SLCO1C1: variants seen among roughly 807,000 people sequenced by gnomAD.
The protein encoded by SLCO1C1 is OAT-RP-5.
SLCO1C1 carries 70 observed loss-of-function variants against 76.4 expected under a neutral mutation model. The ratio of observed to expected loss-of-function variants is 0.92; its 90% confidence interval spans 0.76 to 1.12. The LOEUF (loss-of-function observed/expected upper bound fraction) is 1.12, where lower values mean the gene tolerates loss of function less well. Among genes scored for constraint, SLCO1C1 ranks in the 50% most tolerant of loss-of-function variants. The pLI, the probability that SLCO1C1 is intolerant of heterozygous loss-of-function variation, is 0.00. For synonymous variants in SLCO1C1, 306 were observed against 286.1 expected (o/e 1.07, Z -0.70); for missense variants, 912 against 823.8 (o/e 1.11, Z -1.31).
chr12:20,724,393 ATGTG>A (rs1198889669), intron 9 of SLCO1C1, among the ~76,000 whole-genome samples: 4,038 of 94,212 alleles, frequency 0.043, 187 homozygotes, highest in Middle Eastern at 0.09. Context: ...GATATATATA[ATGTG>A]TGTGTGTGTG....
chr12:20,719,816 T>TCA (rs1947566846), intron 7 of SLCO1C1, among the ~76,000 whole-genome samples: 10 of 152,192 alleles, frequency 6.6e-5, no homozygotes, highest in Admixed American at 2.0e-4. Flanking sequence ...CCAGTGCCGG[T>TCA]GGAGAAGCTG....
chr12:20,728,163 T>C (rs1326788520), intron 9 of SLCO1C1, among the ~76,000 whole-genome samples: 1 of 152,194 alleles, frequency 6.6e-6, no homozygotes, highest in East Asian at 1.9e-4. Flanking sequence ...CCCATAAGTC[T>C]TTAATCCATG....
chr12:20,708,465 C>T (rs542833448), intron 4 of SLCO1C1, among the ~76,000 whole-genome samples: 1 of 151,956 alleles, frequency 6.6e-6, no homozygotes, highest in Non-Finnish European at 1.5e-5. Flanking sequence ...AGAAAAATAA[C>T]CCAGTAAAGA....
chr12:20,724,433 ATATATATATATATATATATGTGTG>A (rs1947845176), intron 9 of SLCO1C1, among the ~76,000 whole-genome samples: 2 of 132,898 alleles, frequency 1.5e-5, no homozygotes, highest in Non-Finnish European at 3.2e-5. Flanking sequence ...ATATATATAT[ATATATATATATATATATATGTGTG>A]TGTGTGTGTG....
At chr12:20,731,867 A>T (rs1368940896) in intron 9 of SLCO1C1, among the ~76,000 whole-genome samples, 1 of 151,520 alleles carries the variant, frequency 6.6e-6, no homozygotes, top group Non-Finnish European at 1.5e-5. Context: ...ATTGCATGAC[A>T]TTTTTTTTTA....
At chr12:20,708,251 C>T (rs1476417512) in intron 4 of SLCO1C1, among the ~76,000 whole-genome samples, 1 of 151,970 alleles carries the variant, frequency 6.6e-6, no homozygotes, top group African/African-American at 2.4e-5. Flanking sequence ...TCCTAATAGG[C>T]TGTTTAGTTT....
chr12:20,742,775 C>A (rs1284138149), intron 12 of SLCO1C1, among the ~76,000 whole-genome samples: 1 of 151,114 alleles, frequency 6.6e-6, no homozygotes, highest in African/African-American at 2.4e-5. Context: ...CTCCTGACCT[C>A]GTGATCGCCT....
At chr12:20,741,487 G>A (rs1159655988) in intron 12 of SLCO1C1, among the ~76,000 whole-genome samples, 1 of 151,908 alleles carries the variant, frequency 6.6e-6, no homozygotes, top group East Asian at 1.9e-4. Context: ...TAATTAATGG[G>A]ACCTAAAAAA....
intron 3 of SLCO1C1, among the ~76,000 whole-genome samples, chr12:20,703,771 A>G (rs925631411): frequency 2.0e-5 from 3 of 151,580 alleles, no homozygotes; most frequent in African/African-American, 7.3e-5. Context: ...GGATATTTTT[A>G]TTTGTATATA....
At chr12:20,714,438 A>T (rs767550220) in intron 5 of SLCO1C1, among the ~76,000 whole-genome samples, 2 of 152,228 alleles carry the variant, frequency 1.3e-5, no homozygotes, top group Non-Finnish European at 2.9e-5. Flanking sequence ...TCATATTAAG[A>T]CATGAATTTT....
intron 4 of SLCO1C1, among the ~76,000 whole-genome samples, chr12:20,709,970 T>G (rs1349678571): frequency 6.7e-6 from 1 of 149,918 alleles, no homozygotes; most frequent in African/African-American, 2.5e-5. Context: ...TAACCTACTA[T>G]GGTCAAGGAA....
Position 20,722,033 on chromosome 12 carries a change from A to G in SLCO1C1, c.1005A>G (p.Ile335Met), listed in dbSNP as rs1565520151. The change falls in exon 8 of 15, where the codon ATA becomes ATG. Residue 335 changes from isoleucine to methionine, a missense_variant. Coordinates refer to ENST00000266509, the MANE Select transcript of SLCO1C1 (RefSeq NM_017435.5). Reference sequence around the variant, plus strand: ...CACCCCAGGGAGAAAATGCAAAAATAATGGAAATGGCAAGAGGTAAGTCAA... The same window carrying G: ...CACCCCAGGGAGAAAATGCAAAAATGATGGAAATGGCAAGAGGTAAGTCAA... ...YQTPQGENAK[I>M]MEMARDFLPS... The G allele has an allele frequency of 6.2e-7, 1 of 1,613,430 alleles. No homozygotes were observed. Among genetic ancestry groups the G allele is most frequent in the Non-Finnish European group, 8.5e-7 (1 of 1,179,758 alleles).
intron 1 of SLCO1C1, chr12:20,696,642 G>A (rs534883018): frequency 5.9e-5 from 9 of 152,238 alleles, no homozygotes; most frequent in East Asian, 3.9e-4. Flanking sequence ...GAAAACTGTC[G>A]TATGTCTTTT....
intron 7 of SLCO1C1, among the ~76,000 whole-genome samples, chr12:20,717,658 T>C (rs1449692233): frequency 1.5e-4 from 11 of 74,028 alleles, no homozygotes; most frequent in African/African-American, 7.2e-4. Context: ...CTTTTTTTTT[T>C]TTTTTTTTTT....
intron 9 of SLCO1C1, among the ~76,000 whole-genome samples, chr12:20,723,836 A>T (rs1038552999): frequency 6.6e-6 from 1 of 152,156 alleles, no homozygotes; most frequent in Non-Finnish European, 1.5e-5. Flanking sequence ...ATCCATGAAC[A>T]TGTCATTTAA....
intron 7 of SLCO1C1, among the ~76,000 whole-genome samples, chr12:20,718,710 G>T (rs1052130667): frequency 6.6e-6 from 1 of 152,112 alleles, no homozygotes; most frequent in Non-Finnish European, 1.5e-5. Flanking sequence ...TGATATAGAG[G>T]AGTCGCCACA....
intron 2 of SLCO1C1, among the ~76,000 whole-genome samples, chr12:20,700,439 C>CT (rs994109654): frequency 6.6e-6 from 1 of 151,180 alleles, no homozygotes; most frequent in African/African-American, 2.4e-5. Flanking sequence ...ATAGAAGTTT[C>CT]TTTTTTTTAA....
intron 13 of SLCO1C1, among the ~76,000 whole-genome samples, chr12:20,746,362 A>AC (rs1208662957): frequency 2.0e-5 from 3 of 152,030 alleles, no homozygotes; most frequent in Non-Finnish European, 4.4e-5. Flanking sequence ...AGGAGAAAAA[A>AC]ATCATTTATC....
chr12:20,701,569 A>AAT, intron 3 of SLCO1C1, 110 bp downstream of exon 3: 132 of 824,846 alleles, frequency 1.6e-4, no homozygotes, highest in Non-Finnish European at 2.0e-4. Context: ...CTATTCATAA[A>AAT]ATCTTTTTTT....
Sources: gnomAD v4.1 joint callset for allele counts (sites outside exome capture counted in the v4.1 genomes callset) on GRCh38, gnomAD v4.1.1 for gene constraint, MANE v1.5 for transcripts, NCBI Gene and HGNC (gene_info 2026-07-23, HGNC 2026-07-21) for gene names.